Variants in CLNK observed in about 807,000 individuals in gnomAD.
CLNK encodes cytokine dependent hematopoietic cell linker.
CLNK carries 74 observed loss-of-function variants against 68.6 expected under a neutral mutation model. The observed-to-expected ratio is 1.08, with a 90% CI of 0.89 to 1.31. The LOEUF (loss-of-function observed/expected upper bound fraction) is 1.31, where lower values mean the gene tolerates loss of function less well. CLNK is among the 50% of genes most tolerant of loss of function. The pLI is 0.00. For missense variants in CLNK, 553 were observed against 515.3 expected (o/e 1.07, Z -0.71); for synonymous variants, 198 against 172.2 (o/e 1.15, Z -1.17).
At chr4:10,680,525 A>T (rs1026477117) in intron 1 of CLNK, among the ~76,000 whole-genome samples, 3 of 152,182 alleles carry the variant, frequency 2.0e-5, no homozygotes, top group African/African-American at 2.4e-5. Flanking sequence ...AATAATAATT[A>T]AAAAAGAAGA....
chr4:10,720,427 G>C, the CLNK span, among the ~76,000 whole-genome samples: 10 of 152,108 alleles, frequency 6.6e-5, 1 homozygote, highest in African/African-American at 2.4e-4. Context: ...AAGTAGGCTA[G>C]AGATACGAAC....
chr4:10,580,144 T>C (rs1370007030), intron 4 of CLNK, among the ~76,000 whole-genome samples: 1 of 152,274 alleles, frequency 6.6e-6, no homozygotes, highest in Admixed American at 6.5e-5. Flanking sequence ...GACCCTGGTG[T>C]TCCTCCACTG....
intron 5 of CLNK, 55 bp downstream of exon 5, chr4:10,571,686 C>T: frequency 7.2e-7 from 1 of 1,392,638 alleles, no homozygotes; most frequent in Non-Finnish European, 1.0e-6. Context: ...ATCAAATTCA[C>T]CTGCTTTGCA....
At chr4:10,530,013 C>T (rs1718474323) in intron 12 of CLNK, among the ~76,000 whole-genome samples, 1 of 151,832 alleles carries the variant, frequency 6.6e-6, no homozygotes, top group South Asian at 2.1e-4. Context: ...TTTTTCCTCC[C>T]TCCTTCCCTT....
intron 15 of CLNK, 24 bp from the exon 16 acceptor site, chr4:10,513,621 C>CA (rs1717700620): frequency 1.3e-6 from 2 of 1,575,910 alleles, no homozygotes; most frequent in Non-Finnish European, 1.7e-6. Flanking sequence ...ATTCACATTT[C>CA]AGTGTGATTT....
chr4:10,624,676 C>A (rs1722598611), intron 2 of CLNK, among the ~76,000 whole-genome samples: 1 of 146,264 alleles, frequency 6.8e-6, no homozygotes, highest in African/African-American at 2.5e-5. Context: ...CTCAGGATGT[C>A]TCAGGATCTC....
chr4:10,494,226 C>T (rs1459685629), intron 18 of CLNK, among the ~76,000 whole-genome samples: 1 of 152,180 alleles, frequency 6.6e-6, no homozygotes, highest in African/African-American at 2.4e-5. Context: ...AACTCTTTCA[C>T]AAAATTGGTT....
At chr4:10,697,486 G>T in the CLNK span, 1 of 152,174 alleles carries the variant, frequency 6.6e-6, no homozygotes, top group Non-Finnish European at 1.5e-5. Flanking sequence ...AGAAGCCACT[G>T]GTGGTCCTTG....
At chr4:10,727,692 G>A in the CLNK span, among the ~76,000 whole-genome samples, 1 of 152,198 alleles carries the variant, frequency 6.6e-6, no homozygotes, top group Non-Finnish European at 1.5e-5. Context: ...CCTTGTTCGT[G>A]AGAAGAGGGA....
intron 8 of CLNK, among the ~76,000 whole-genome samples, chr4:10,545,719 T>C (rs13112750): frequency 0.72 from 109,675 of 152,116 alleles, 39,847 homozygotes; most frequent in Non-Finnish European, 0.78. Context: ...TCTCCACTCC[T>C]GTGACAAGTC....
the CLNK span, among the ~76,000 whole-genome samples, chr4:10,699,494 C>CTCTCTCTATATATATA: frequency 1.1e-4 from 6 of 56,988 alleles, no homozygotes; most frequent in African/African-American, 4.5e-4. Flanking sequence ...CTCTCTCTCT[C>CTCTCTCTATATATATA]TATATATATA....
chr4:10,644,611 C>T (rs926918391), intron 2 of CLNK, among the ~76,000 whole-genome samples: 2 of 152,068 alleles, frequency 1.3e-5, no homozygotes, highest in South Asian at 4.1e-4. Context: ...GAGGCCCTTG[C>T]ATTGATAGCA....
At position 10,515,049 on chromosome 4, in the gene CLNK, C is replaced by T. The variant is rs2109040733; in HGVS notation, c.773-1452G>A. ...GGTCAGGAGTTTGAGACCAGCCTGG[C>T]TTACATGGTGAAACCCCGTCTCTAC... On this transcript the variant is annotated intron_variant, in intron 15 of 18. Coordinates refer to ENST00000226951, the MANE Select transcript of CLNK (RefSeq NM_052964.4). Among the ~76,000 whole-genome samples, 3 of 152,288 alleles carry T rather than the reference C, an allele frequency of 2.0e-5. No homozygotes were observed. In the Middle Eastern group the frequency reaches 0.01, roughly 518 times the overall value.
intron 2 of CLNK, among the ~76,000 whole-genome samples, chr4:10,653,738 A>G (rs973418418): frequency 2.0e-5 from 3 of 152,240 alleles, no homozygotes; most frequent in Non-Finnish European, 2.9e-5. Context: ...ACAGAGGACT[A>G]CTGAAATTTA....
rs184595935 is a variant in CLNK, at chr4:10,638,487, G to C, written c.11+29372C>G. 2.6e-3 allele frequency among the ~76,000 whole-genome samples: 398 copies of C among 152,330 alleles called. 3 individuals carry two copies. Among genetic ancestry groups the C allele is most frequent in the African/African-American group, 9.0e-3 (375 of 41,570 alleles). On this transcript the variant is annotated intron_variant, in intron 2 of 18. Coordinates refer to ENST00000226951, the MANE Select transcript of CLNK (RefSeq NM_052964.4). ...AATTTGCCCAGGATTGAGGAGTCTAGGAACTAGAATTTGTGATTCGGCTTT... is the reference window on the plus strand; with the variant it reads ...AATTTGCCCAGGATTGAGGAGTCTACGAACTAGAATTTGTGATTCGGCTTT...
chr4:10,640,613 C>G (rs751486069), intron 2 of CLNK, among the ~76,000 whole-genome samples: 3 of 152,242 alleles, frequency 2.0e-5, no homozygotes, highest in Non-Finnish European at 2.9e-5. Context: ...TTCTTCACTT[C>G]CACTTCCTTA....
At chr4:10,558,580 T>A (rs1719767805) in intron 7 of CLNK, 128 bp from the exon 8 acceptor site, 1 of 812,576 alleles carries the variant, frequency 1.2e-6, no homozygotes, top group South Asian at 1.6e-5. Context: ...TGGTTTTCAA[T>A]GTATGGTTGG....
At chr4:10,677,667 C>T (rs1192654478) in intron 1 of CLNK, among the ~76,000 whole-genome samples, 1 of 151,952 alleles carries the variant, frequency 6.6e-6, no homozygotes, top group Non-Finnish European at 1.5e-5. Flanking sequence ...CTTCTCTCTC[C>T]TGCTGTCTTG....
chr4:10,550,140 G>C (rs1719388900), intron 8 of CLNK, among the ~76,000 whole-genome samples: 1 of 152,200 alleles, frequency 6.6e-6, no homozygotes, highest in African/African-American at 2.4e-5. Flanking sequence ...GCTTGCAATG[G>C]ATGGTTGTTA....
Sources: gnomAD v4.1 joint callset for allele counts (sites outside exome capture counted in the v4.1 genomes callset) on GRCh38, gnomAD v4.1.1 for gene constraint, MANE v1.5 for transcripts, NCBI Gene and HGNC (gene_info 2026-07-23, HGNC 2026-07-21) for gene names.